The following HTR7 variants were observed in gnomAD, a reference collection of about 807,000 sequenced individuals.
HTR7 encodes 5-HT-7.
A neutral mutation model predicts 34.0 loss-of-function variants in HTR7; 16 were observed. The ratio of observed to expected loss-of-function variants is 0.47; its 90% CI spans 0.32 to 0.71. The LOEUF (loss-of-function observed/expected upper bound fraction) is 0.71. Ranked by LOEUF, HTR7 falls within the 30% of genes least tolerant of loss-of-function variation. The probability of loss-of-function intolerance (pLI) is 0.04; values close to 1 mark genes in which losing one functional copy is unlikely to be tolerated. For synonymous variants in HTR7, 265 were observed against 260.2 expected, an observed-to-expected ratio of 1.02 and a Z score of -0.18; for missense variants, 504 against 625.5, an observed-to-expected ratio of 0.81 and a Z score of 2.07.
At chr10:90,760,890 AAAT>A (rs1386153772) in intron 1 of HTR7, among the ~76,000 whole-genome samples, 2 of 152,216 alleles carry the variant, frequency 1.3e-5, no homozygotes, top group Non-Finnish European at 2.9e-5. Context: ...CAAAAAAATA[AAAT>A]AAAATAAACA....
chr10:90,799,257 T>G (rs1205855826), intron 1 of HTR7, among the ~76,000 whole-genome samples: 1 of 152,046 alleles, frequency 6.6e-6, no homozygotes, highest in African/African-American at 2.4e-5. Context: ...CACCAAATTT[T>G]CCTTAAAAAC....
intron 1 of HTR7, among the ~76,000 whole-genome samples, chr10:90,844,448 G>A (rs752228144): frequency 5.9e-5 from 9 of 151,812 alleles, no homozygotes; most frequent in Admixed American, 2.0e-4. Context: ...CAGTCTGGCC[G>A]GGCGCAGTGG....
At position 90,742,313 on chromosome 10, in the gene HTR7, C is replaced by T. The variant is rs1214850925; in HGVS notation, c.*169G>A. On this transcript the variant is annotated 3_prime_UTR_variant, in exon 4 of 4. Transcript: ENST00000336152. ...CTGATCCACAGAAAAAAGGAGAAGT[C>T]ACCATCTCCCTCATAAGATAGTGTG... 3 of 525,484 alleles carry T rather than the reference C, an allele frequency of 5.7e-6. No homozygotes were observed. Among genetic ancestry groups the T allele is most frequent in the Non-Finnish European group, 3.4e-6 (1 of 296,996 alleles). The allele number at this position is 525,484 out of a possible 1,614,324, so 32.6% of individuals were successfully genotyped here.
At chr10:90,820,885 T>C (rs1845968546) in intron 1 of HTR7, among the ~76,000 whole-genome samples, 1 of 152,208 alleles carries the variant, frequency 6.6e-6, no homozygotes. Flanking sequence ...TAAAAAGCTC[T>C]CTAGCATATA....
intron 2 of HTR7, among the ~76,000 whole-genome samples, chr10:90,748,090 T>C (rs1231208662): frequency 3.3e-5 from 5 of 152,192 alleles, no homozygotes; most frequent in Non-Finnish European, 7.3e-5. Flanking sequence ...CAATTCTTGG[T>C]TCTCACCTGC....
At chr10:90,772,307 T>C (rs956685359) in intron 1 of HTR7, among the ~76,000 whole-genome samples, 1 of 152,206 alleles carries the variant, frequency 6.6e-6, no homozygotes, top group African/African-American at 2.4e-5. Context: ...TTATAATAGA[T>C]GTAAATAATA....
chr10:90,781,746 A>G lies in HTR7; in HGVS notation c.540-32152T>C, dbSNP rs190453174. Among the ~76,000 whole-genome samples, 29 of 152,346 alleles carry G rather than the reference A, an allele frequency of 1.9e-4. No homozygotes were observed. In the East Asian group the frequency reaches 5.0e-3, roughly 26 times the overall value. The stretch of plus-strand genomic sequence containing the variant: ...TCCCCATCAACTTAAAGAAATATTC[A>G]TGCTTCAGATTTTCTACATCAAAAT... On this transcript the variant is annotated intron_variant, in intron 1 of 3. Coordinates refer to ENST00000336152, the MANE Select transcript of HTR7 (RefSeq NM_019859.4).
At chr10:90,764,237 G>C (rs1844983480) in intron 1 of HTR7, among the ~76,000 whole-genome samples, 1 of 152,114 alleles carries the variant, frequency 6.6e-6, no homozygotes, top group Non-Finnish European at 1.5e-5. Flanking sequence ...TCCTATGTTT[G>C]TTGGCCACAT....
intron 1 of HTR7, among the ~76,000 whole-genome samples, chr10:90,809,610 G>A (rs1845768654): frequency 6.6e-6 from 1 of 152,200 alleles, no homozygotes; most frequent in African/African-American, 2.4e-5. Flanking sequence ...ACAAACCCCA[G>A]CCACAACTCC....
At chr10:90,815,229 G>T (rs12263520) in intron 1 of HTR7, among the ~76,000 whole-genome samples, 76,445 of 151,370 alleles carry the variant, frequency 0.51, 19,971 homozygotes, top group African/African-American at 0.67. Context: ...GTAGCTGGGA[G>T]TACAGGCGCC....
chr10:90,747,105 C>CA (rs1335047382), intron 2 of HTR7, among the ~76,000 whole-genome samples: 3 of 152,210 alleles, frequency 2.0e-5, no homozygotes, highest in African/African-American at 7.2e-5. Context: ...GAACATAGGT[C>CA]AGTTACTTTT....
chr10:90,755,043 T>C (rs1010026144), intron 1 of HTR7, among the ~76,000 whole-genome samples: 2 of 152,166 alleles, frequency 1.3e-5, no homozygotes, highest in East Asian at 1.9e-4. Flanking sequence ...CATTCAAGGA[T>C]TGGAGACCTA....
intron 2 of HTR7, among the ~76,000 whole-genome samples, chr10:90,747,862 T>C (rs1364885992): frequency 1.3e-5 from 2 of 152,226 alleles, no homozygotes; most frequent in East Asian, 1.9e-4. Context: ...CTTTCAAACG[T>C]GAAGAAATCT....
chr10:90,821,934 C>T (rs536469405), intron 1 of HTR7, among the ~76,000 whole-genome samples: 1 of 152,292 alleles, frequency 6.6e-6, no homozygotes, highest in South Asian at 2.1e-4. Context: ...TTTCCTGAGG[C>T]CTCCCCAGCC....
At chr10:90,856,993 T>TG in intron 1 of HTR7, 140 bp downstream of exon 1, 1 of 740,904 alleles carries the variant, frequency 1.3e-6, no homozygotes, top group Non-Finnish European at 2.2e-6. Flanking sequence ...TAGGGTGGAT[T>TG]GGGGGGAGCG....
At chr10:90,782,484 T>A (rs78472578) in intron 1 of HTR7, among the ~76,000 whole-genome samples, 1 of 151,926 alleles carries the variant, frequency 6.6e-6, no homozygotes, top group Non-Finnish European at 1.5e-5. Flanking sequence ...AATGATGAAG[T>A]TAAATCTCTT....
chr10:90,752,328 G>C (rs185046412), intron 1 of HTR7, among the ~76,000 whole-genome samples: 1 of 152,004 alleles, frequency 6.6e-6, no homozygotes, highest in Admixed American at 6.6e-5. Flanking sequence ...AAACACCTAG[G>C]AAAAAGCTTT....
intron 1 of HTR7, among the ~76,000 whole-genome samples, chr10:90,822,736 G>A (rs1846004425): frequency 6.6e-6 from 1 of 152,224 alleles, no homozygotes; most frequent in East Asian, 1.9e-4. Flanking sequence ...AGGCCTGGAG[G>A]CTGGGAGGGA....
At chr10:90,811,662 G>T (rs1365815822) in intron 1 of HTR7, among the ~76,000 whole-genome samples, 2 of 152,004 alleles carry the variant, frequency 1.3e-5, no homozygotes, top group East Asian at 3.9e-4. Flanking sequence ...ACTCCTCAGG[G>T]ATTATTCAGG....
Sources: gnomAD v4.1 joint callset for allele counts (sites outside exome capture counted in the v4.1 genomes callset) on GRCh38, gnomAD v4.1.1 for gene constraint, MANE v1.5 for transcripts, NCBI Gene and HGNC (gene_info 2026-07-23, HGNC 2026-07-21) for gene names.